Variants in RAB3C observed in about 807,000 individuals in gnomAD.
The protein encoded by RAB3C is RAB3C, member RAS oncogene family.
A neutral mutation model predicts 26.4 loss-of-function variants in RAB3C; 17 were observed. The ratio of observed to expected loss-of-function variants is 0.64; its 90% CI spans 0.44 to 0.97. RAB3C has a LOEUF of 0.97. RAB3C is among the 50% of genes least tolerant of loss of function. RAB3C has a pLI of 0.00. For missense variants in RAB3C, 242 were observed against 281.9 expected, an observed-to-expected ratio of 0.86 and a Z score of 1.01; for synonymous variants, 91 against 95.9, an observed-to-expected ratio of 0.95 and a Z score of 0.30.
At chr5:58,817,709 A>C (rs1743248115) in intron 3 of RAB3C, among the ~76,000 whole-genome samples, 1 of 152,100 alleles carries the variant, frequency 6.6e-6, no homozygotes, top group African/African-American at 2.4e-5. Context: ...TCTTTTTAAT[A>C]CCTCTGATGG....
chr5:58,635,848 C>T (rs555607783), intron 2 of RAB3C, among the ~76,000 whole-genome samples: 12 of 152,070 alleles, frequency 7.9e-5, no homozygotes, highest in Admixed American at 2.0e-4. Flanking sequence ...GTGGACAACG[C>T]GTGGTGTTTG....
In RAB3C at chr5:58,855,812, A is replaced by G. The variant is rs1195963404; in HGVS notation, c.*4461A>G. Reference sequence around the variant, plus strand: ...AGCCTTTACCCCTGCACAGCACTGTATCTAAAGGGCTCTAGGTTGTAGAAA... The same window carrying G: ...AGCCTTTACCCCTGCACAGCACTGTGTCTAAAGGGCTCTAGGTTGTAGAAA... On this transcript the variant is annotated 3_prime_UTR_variant, in exon 5 of 5. Coordinates refer to ENST00000282878, the MANE Select transcript of RAB3C (RefSeq NM_138453.4). The G allele has an allele frequency of 1.3e-5, 2 of 152,192 alleles. No homozygotes were observed. Among genetic ancestry groups the G allele is most frequent in the East Asian group, 1.9e-4 (1 of 5,200 alleles). 9.4% of individuals were successfully genotyped at this position (152,192 alleles called of 1,614,324 possible).
intron 1 of RAB3C, among the ~76,000 whole-genome samples, chr5:58,608,345 G>GA (rs1344241865): frequency 3.3e-5 from 5 of 151,838 alleles, no homozygotes; most frequent in Non-Finnish European, 5.9e-5. Context: ...AAATTTACAA[G>GA]AAAAAAACAA....
At chr5:58,681,850 G>A (rs547607323) in intron 2 of RAB3C, among the ~76,000 whole-genome samples, 2 of 152,180 alleles carry the variant, frequency 1.3e-5, no homozygotes, top group South Asian at 4.1e-4. Flanking sequence ...TTAGAGGCAG[G>A]TTGATTAGGA....
intron 3 of RAB3C, among the ~76,000 whole-genome samples, chr5:58,745,632 C>T (rs938164300): frequency 3.9e-5 from 6 of 152,048 alleles, no homozygotes; most frequent in African/African-American, 1.2e-4. Flanking sequence ...AAAGTCCTGG[C>T]GGAGGCCAGC....
chr5:58,651,237 A>G (rs1747641953), intron 2 of RAB3C, among the ~76,000 whole-genome samples: 1 of 152,232 alleles, frequency 6.6e-6, no homozygotes, highest in Non-Finnish European at 1.5e-5. Flanking sequence ...AGCTGTGGCC[A>G]CAGTACCATT....
At chr5:58,624,575 C>G (rs951697207) in intron 2 of RAB3C, among the ~76,000 whole-genome samples, 27 of 152,088 alleles carry the variant, frequency 1.8e-4, no homozygotes, top group African/African-American at 6.5e-4. Flanking sequence ...TGGAAGGTAC[C>G]CAAAGCCTAA....
intron 1 of RAB3C, among the ~76,000 whole-genome samples, chr5:58,612,413 A>C (rs1035438664): frequency 1.1e-4 from 16 of 148,308 alleles, no homozygotes; most frequent in African/African-American, 4.0e-4. Flanking sequence ...TTCTTTGAGC[A>C]GTGTTTTGTA....
intron 1 of RAB3C, among the ~76,000 whole-genome samples, chr5:58,594,160 G>C (rs1409620242): frequency 4.6e-5 from 7 of 152,312 alleles, no homozygotes; most frequent in Non-Finnish European, 4.4e-5. Flanking sequence ...GGATGATAGA[G>C]AAACTTACAA....
chr5:58,753,968 T>C (rs1741591011), intron 3 of RAB3C, among the ~76,000 whole-genome samples: 1 of 152,158 alleles, frequency 6.6e-6, no homozygotes, highest in Admixed American at 6.5e-5. Context: ...AATAATTGCT[T>C]GCCAACATTA....
chr5:58,766,692 T>G (rs1741913492), intron 3 of RAB3C, among the ~76,000 whole-genome samples: 1 of 152,148 alleles, frequency 6.6e-6, no homozygotes, highest in African/African-American at 2.4e-5. Flanking sequence ...AGGTCGCTGG[T>G]GGGGTTCAGA....
chr5:58,650,524 A>T (rs1233224430), intron 2 of RAB3C, among the ~76,000 whole-genome samples: 1 of 152,210 alleles, frequency 6.6e-6, no homozygotes, highest in East Asian at 1.9e-4. Flanking sequence ...GAATAAGGAG[A>T]ACCCCTCAGA....
At chr5:58,661,825 C>T (rs751705866) in intron 2 of RAB3C, among the ~76,000 whole-genome samples, 9 of 149,190 alleles carry the variant, frequency 6.0e-5, no homozygotes, top group Non-Finnish European at 1.0e-4. Context: ...TATGTATGCA[C>T]ACTGAGGAAG....
chr5:58,713,555 G>A (rs1000381670), intron 2 of RAB3C, among the ~76,000 whole-genome samples: 1 of 152,102 alleles, frequency 6.6e-6, no homozygotes, highest in African/African-American at 2.4e-5. Flanking sequence ...TTATTTTAGA[G>A]GCAGACTCAC....
intron 3 of RAB3C, among the ~76,000 whole-genome samples, chr5:58,784,454 C>T (rs1742333911): frequency 6.6e-6 from 1 of 152,072 alleles, no homozygotes; most frequent in Non-Finnish European, 1.5e-5. Flanking sequence ...GCCCATGGAT[C>T]TTTACCTCCT....
At chr5:58,597,249 A>AATAATATATACTACACAATATATT (rs1746331324) in intron 1 of RAB3C, among the ~76,000 whole-genome samples, 2 of 126,132 alleles carry the variant, frequency 1.6e-5, no homozygotes, top group African/African-American at 6.4e-5. Context: ...TATATTATAT[A>AATAATATATACTACACAATATATT]ATATATACTA....
intron 2 of RAB3C, among the ~76,000 whole-genome samples, chr5:58,653,952 T>C (rs1747710340): frequency 6.6e-6 from 1 of 152,210 alleles, no homozygotes; most frequent in Non-Finnish European, 1.5e-5. Flanking sequence ...ACCAGCAGCC[T>C]TAAGAATATA....
intron 2 of RAB3C, among the ~76,000 whole-genome samples, chr5:58,636,633 A>T (rs80054391): frequency 0.34 from 51,322 of 151,776 alleles, 9,585 homozygotes; most frequent in Middle Eastern, 0.49. Flanking sequence ...TCATTTTGCC[A>T]GCCTCCTCTA....
At chr5:58,599,516 G>A (rs1361246266) in intron 1 of RAB3C, among the ~76,000 whole-genome samples, 2 of 151,944 alleles carry the variant, frequency 1.3e-5, no homozygotes, top group Non-Finnish European at 2.9e-5. Flanking sequence ...CTGTGTTCTG[G>A]GGTTCTCCTT....
Sources: allele counts gnomAD v4.1 joint callset (sites outside exome capture counted in the v4.1 genomes callset), GRCh38; gene constraint gnomAD v4.1.1; transcripts MANE v1.5; gene names NCBI Gene and HGNC (gene_info 2026-07-23, HGNC 2026-07-21).